FAM178B: variants seen among roughly 807,000 people sequenced by gnomAD.
The protein encoded by FAM178B is family with sequence similarity 178 member B, also known as protein FAM178B.
FAM178B carries 82 observed loss-of-function variants against 91.7 expected under a neutral mutation model. The observed-to-expected ratio is 0.89, with a 90% CI of 0.75 to 1.07. The LOEUF (loss-of-function observed/expected upper bound fraction) is 1.07. Ranked by LOEUF, FAM178B falls within the 50% of genes least tolerant of loss-of-function variation. The pLI is 0.00. For missense variants in FAM178B, 769 were observed against 846.7 expected (o/e 0.91, Z 1.14); for synonymous variants, 368 against 359.4 (o/e 1.02, Z -0.27).
intron 8 of FAM178B, among the ~76,000 whole-genome samples, chr2:96,937,168 T>TCCTCC (rs2081647178): frequency 6.6e-6 from 1 of 152,102 alleles, no homozygotes; most frequent in African/African-American, 2.4e-5. Context: ...AGTGCTGGGA[T>TCCTCC]TACAGGTGTG....
chr2:96,984,318 A>G lies in FAM178B; in HGVS notation c.73+1923T>C, dbSNP rs760738500. Reference sequence around the variant, plus strand: ...GGAAGACAATTTGCCCAACCTGTTCAATACAGTTCCCGCTCAACAAACCCC... The same window carrying G: ...GGAAGACAATTTGCCCAACCTGTTCGATACAGTTCCCGCTCAACAAACCCC... On this transcript the variant is annotated intron_variant, in intron 1 of 16. Transcript: ENST00000490605. Among the ~76,000 whole-genome samples, 25 of 152,296 alleles carry G rather than the reference A, an allele frequency of 1.6e-4. No homozygotes were observed. The Middle Eastern group carries it at 0.01, about 62-fold the overall frequency.
intron 7 of FAM178B, among the ~76,000 whole-genome samples, chr2:96,949,281 C>A (rs952670586): frequency 2.0e-5 from 3 of 152,180 alleles, no homozygotes; most frequent in Non-Finnish European, 2.9e-5. Context: ...CCCTCACCCA[C>A]GCCCTGGCTC....
intron 12 of FAM178B, among the ~76,000 whole-genome samples, chr2:96,906,347 A>G (rs2081055624): frequency 6.6e-6 from 1 of 151,884 alleles, no homozygotes; most frequent in Non-Finnish European, 1.5e-5. Context: ...GATCACAGGC[A>G]TGTACCACCA....
At chr2:96,975,085 ACT>A in intron 1 of FAM178B, among the ~76,000 whole-genome samples, 1 of 111,664 alleles carries the variant, frequency 9.0e-6, no homozygotes, top group South Asian at 2.8e-4. Context: ...ACAGAGTGAG[ACT>A]CTGTCTCAAA....
At chr2:96,984,816 A>G (rs1438512633) in intron 1 of FAM178B, among the ~76,000 whole-genome samples, 4 of 152,188 alleles carry the variant, frequency 2.6e-5, no homozygotes, top group Non-Finnish European at 5.9e-5. Context: ...ACAAAGACAT[A>G]AACAACAAAA....
intron 4 of FAM178B, among the ~76,000 whole-genome samples, chr2:96,969,107 T>C (rs1422671720): frequency 4.6e-5 from 7 of 152,152 alleles, no homozygotes; most frequent in Non-Finnish European, 1.0e-4. Context: ...CATGACAGTG[T>C]GGGTAGTATG....
chr2:96,941,374 C>T (rs2081727491), intron 8 of FAM178B, among the ~76,000 whole-genome samples: 1 of 152,032 alleles, frequency 6.6e-6, no homozygotes, highest in Admixed American at 6.6e-5. Context: ...TGAATGCTTT[C>T]TGAGAGGAGG....
In FAM178B at chr2:96,919,923, A is replaced by C. The variant is rs2081304897; in HGVS notation, c.1562+1242T>G. Among the ~76,000 whole-genome samples, 3 of 152,214 alleles carry C rather than the reference A, an allele frequency of 2.0e-5. No individual in the cohort carries two copies. In the South Asian group the frequency reaches 6.2e-4, roughly 31 times the overall value. ...TGAAGGTAACTTAGTCAACAAGCAG[A>C]GCCTCTACCAGGCTGGGCCCTGGGG... On this transcript the variant is annotated intron_variant, in intron 12 of 16. Coordinates refer to ENST00000490605, the MANE Select transcript of FAM178B (RefSeq NM_001122646.3).
intron 14 of FAM178B, among the ~76,000 whole-genome samples, chr2:96,882,095 C>A (rs963546247): frequency 6.6e-6 from 1 of 152,204 alleles, no homozygotes; most frequent in Non-Finnish European, 1.5e-5. Flanking sequence ...ACTTCCATCT[C>A]CTCCCTGCAT....
intron 12 of FAM178B, among the ~76,000 whole-genome samples, chr2:96,915,515 C>T (rs374237640): frequency 6.6e-6 from 1 of 151,728 alleles, no homozygotes; most frequent in African/African-American, 2.4e-5. Flanking sequence ...CCGACAGGGT[C>T]TTTAGAAAGG....
Position 96,891,435 on chromosome 2 carries a change from T to C in FAM178B, c.1776+2491A>G, listed in dbSNP as rs562955288. Among the ~76,000 whole-genome samples the C allele has an allele frequency of 5.3e-5, 8 of 152,128 alleles. No individual in the cohort carries two copies. In the South Asian group the frequency reaches 6.2e-4, roughly 12 times the overall value. On this transcript the variant is annotated intron_variant, in intron 14 of 16. Transcript: ENST00000490605. ...CACAGGAGGCAGCAGGTTTCCAGAA[T>C]GGGGGCAGGAGAGCGAACAGCGAAT...
chr2:96,895,136 T>A (rs1257183581), intron 13 of FAM178B: 1 of 1,287,522 alleles, frequency 7.8e-7, no homozygotes, highest in Admixed American at 2.3e-5. Context: ...CCCTTCCCGC[T>A]CTTTTCCTTC....
intron 5 of FAM178B, among the ~76,000 whole-genome samples, chr2:96,961,016 G>A (rs1188806516): frequency 6.6e-6 from 1 of 152,156 alleles, no homozygotes; most frequent in Non-Finnish European, 1.5e-5. Context: ...CAAGCTCCAG[G>A]GCTCTGAGGA....
intron 14 of FAM178B, among the ~76,000 whole-genome samples, chr2:96,888,127 C>G (rs978724023): frequency 6.6e-6 from 1 of 152,244 alleles, no homozygotes; most frequent in Non-Finnish European, 1.5e-5. Context: ...TGTAGAGGTC[C>G]CCCTCTCCTG....
chr2:96,971,315 CCT>C (rs940062559), intron 3 of FAM178B, among the ~76,000 whole-genome samples: 1 of 148,054 alleles, frequency 6.8e-6, no homozygotes, highest in African/African-American at 2.5e-5. Flanking sequence ...TCTCTCCTTC[CCT>C]CTGTCCCCCT....
At chr2:96,940,471 G>A (rs1360732766) in intron 8 of FAM178B, among the ~76,000 whole-genome samples, 1 of 152,226 alleles carries the variant, frequency 6.6e-6, no homozygotes, top group Non-Finnish European at 1.5e-5. Context: ...GAAGAACAGA[G>A]AGTGTCAACC....
chr2:96,907,104 G>A (rs1383747320), intron 12 of FAM178B, among the ~76,000 whole-genome samples: 1 of 152,080 alleles, frequency 6.6e-6, no homozygotes, highest in African/African-American at 2.4e-5. Flanking sequence ...AGCACCAAGA[G>A]GGTGCATGGA....
intron 1 of FAM178B, among the ~76,000 whole-genome samples, chr2:96,984,222 GT>G (rs1425498568): frequency 6.6e-6 from 1 of 152,118 alleles, no homozygotes; most frequent in Non-Finnish European, 1.5e-5. Flanking sequence ...GCCTCCCAAA[GT>G]GCTGGGATTA....
chr2:96,936,873 C>T (rs1167836979), intron 8 of FAM178B, among the ~76,000 whole-genome samples: 1 of 152,030 alleles, frequency 6.6e-6, no homozygotes, highest in Non-Finnish European at 1.5e-5. Flanking sequence ...ATTTCTTGGG[C>T]AGCACAGCAG....
Sources: gnomAD v4.1 joint callset for allele counts (sites outside exome capture counted in the v4.1 genomes callset) on GRCh38, gnomAD v4.1.1 for gene constraint, MANE v1.5 for transcripts, NCBI Gene and HGNC (gene_info 2026-07-23, HGNC 2026-07-21) for gene names.